TTBK2: variants seen among roughly 807,000 people sequenced by gnomAD.
The protein encoded by TTBK2 is tau tubulin kinase 2.
A neutral mutation model predicts 110.8 loss-of-function variants in TTBK2; 28 were observed. The observed-to-expected ratio is 0.25, with a 90% CI of 0.19 to 0.35. The LOEUF is 0.35. Among genes scored for constraint, TTBK2 ranks in the 10% least tolerant of loss-of-function variants. TTBK2 has a pLI of 1.00. For missense variants in TTBK2, 1,369 were observed against 1,500.3 expected (o/e 0.91, Z 1.45); for synonymous variants, 532 against 527.3 (o/e 1.01, Z -0.12).
At chr15:42,816,169 T>G (rs951917168) in intron 7 of TTBK2, among the ~76,000 whole-genome samples, 9 of 137,232 alleles carry the variant, frequency 6.6e-5, no homozygotes, top group African/African-American at 2.2e-4. Context: ...CAGGCTGGAG[T>G]GCAGTGGTGC....
intron 3 of TTBK2, among the ~76,000 whole-genome samples, chr15:42,847,699 C>T (rs946722168): frequency 6.6e-6 from 1 of 152,244 alleles, no homozygotes; most frequent in Non-Finnish European, 1.5e-5. Flanking sequence ...GCCTTTGCAA[C>T]TTTGTAGATT....
At chr15:42,812,853 A>G (rs1406802597) in intron 7 of TTBK2, among the ~76,000 whole-genome samples, 1 of 152,124 alleles carries the variant, frequency 6.6e-6, no homozygotes, top group Non-Finnish European at 1.5e-5. Flanking sequence ...TAAAAACTCA[A>G]TGGGCAGGCT....
intron 3 of TTBK2, among the ~76,000 whole-genome samples, chr15:42,841,392 G>A (rs1360625269): frequency 6.6e-6 from 1 of 151,856 alleles, no homozygotes; most frequent in Non-Finnish European, 1.5e-5. Flanking sequence ...GTATTTTTTT[G>A]TAGAGATGGG....
chr15:42,827,366 CA>C (rs1892577492), intron 6 of TTBK2, among the ~76,000 whole-genome samples: 1 of 151,826 alleles, frequency 6.6e-6, no homozygotes, highest in Admixed American at 6.6e-5. Flanking sequence ...CAGTTTCCAA[CA>C]AAAAATCATG....
intron 2 of TTBK2, among the ~76,000 whole-genome samples, chr15:42,877,779 T>C (rs184179276): frequency 1.3e-5 from 2 of 152,256 alleles, no homozygotes; most frequent in East Asian, 3.9e-4. Context: ...GAAATGATTA[T>C]TTTTAAGGTA....
At chr15:42,808,438 C>A (rs1891570564) in intron 9 of TTBK2, among the ~76,000 whole-genome samples, 1 of 152,110 alleles carries the variant, frequency 6.6e-6, no homozygotes, top group African/African-American at 2.4e-5. Flanking sequence ...TGCTATTTGA[C>A]CTTTGATGTA....
chr15:42,858,342 AAAATTATATGACGTCTAT>A (rs1256292889), intron 3 of TTBK2, among the ~76,000 whole-genome samples: 2 of 152,222 alleles, frequency 1.3e-5, no homozygotes, highest in Non-Finnish European at 2.9e-5. Flanking sequence ...ACATACTCAA[AAAATTATATGACGTCTAT>A]AATTTATTTT....
intron 9 of TTBK2, among the ~76,000 whole-genome samples, chr15:42,806,129 G>T (rs192302811): frequency 1.0e-3 from 156 of 152,258 alleles, no homozygotes; most frequent in African/African-American, 3.7e-3. Context: ...GCTGGGCATG[G>T]TGGCATGTGC....
At chr15:42,801,014 T>A in intron 9 of TTBK2, 2 of 764,542 alleles carry the variant, frequency 2.6e-6, no homozygotes, top group Non-Finnish European at 4.8e-6. Context: ...CATCACGGGT[T>A]TCGATCTTCT....
At position 42,752,225 on chromosome 15, in the gene TTBK2, T is replaced by C. The variant is rs201662235; in HGVS notation, c.3021A>G (p.Leu1007=). ...SASDKLLEEK[L]ATVPAPFCEE... ...CACAAAAGGGAGCAGGAACAGTAGCTAGTTTCTCCTCTAGCAATTTATCAG... is the reference window on the plus strand; with the variant it reads ...CACAAAAGGGAGCAGGAACAGTAGCCAGTTTCTCCTCTAGCAATTTATCAG... The change falls in exon 14 of 15, where the codon CTA becomes CTG. Residue 1007 remains leucine, a synonymous_variant. Coordinates refer to ENST00000267890, the MANE Select transcript of TTBK2 (RefSeq NM_173500.4). 531 of 1,613,950 alleles carry C rather than the reference T, an allele frequency of 3.3e-4. 2 individuals are homozygous for C. Among genetic ancestry groups the C allele is most frequent in the Admixed American group, 1.2e-4 (7 of 59,976 alleles).
At chr15:42,916,014 AAAAAG>A (rs1266237762) in intron 1 of TTBK2, among the ~76,000 whole-genome samples, 17 of 152,206 alleles carry the variant, frequency 1.1e-4, no homozygotes, top group Non-Finnish European at 7.3e-5. Context: ...AGAAAAAAGA[AAAAAG>A]AAAAGAGAGA....
intron 13 of TTBK2, among the ~76,000 whole-genome samples, chr15:42,762,698 AC>A (rs1453986879): frequency 6.6e-6 from 1 of 152,176 alleles, no homozygotes; most frequent in Non-Finnish European, 1.5e-5. Flanking sequence ...AGCCTGGGTG[AC>A]AGAGTGAGAT....
At chr15:42,800,072 C>G (rs1436396560) in intron 9 of TTBK2, among the ~76,000 whole-genome samples, 1 of 151,908 alleles carries the variant, frequency 6.6e-6, no homozygotes, top group East Asian at 1.9e-4. Flanking sequence ...GCACTCCAGC[C>G]TGGGTGACAG....
intron 13 of TTBK2, among the ~76,000 whole-genome samples, chr15:42,766,820 C>G (rs769206888): frequency 2.6e-5 from 4 of 152,192 alleles, no homozygotes; most frequent in Non-Finnish European, 5.9e-5. Context: ...CTCAAATCAA[C>G]AGAATATACA....
intron 13 of TTBK2, among the ~76,000 whole-genome samples, chr15:42,762,661 G>A (rs2062046738): frequency 6.6e-6 from 1 of 152,144 alleles, no homozygotes; most frequent in South Asian, 2.1e-4. Context: ...TGGCTGCACT[G>A]AGCCAAGATC....
intron 1 of TTBK2, chr15:42,919,843 G>A: frequency 2.0e-6 from 2 of 985,076 alleles, no homozygotes; most frequent in Admixed American, 6.1e-5. Context: ...TTACTTCTCC[G>A]ATTTGACAGA....
In TTBK2 at chr15:42,752,198, C is replaced by T. The variant is rs758922700; in HGVS notation, c.3048G>A (p.Glu1016=). 4 of 1,614,142 alleles carry T rather than the reference C, an allele frequency of 2.5e-6. No homozygotes were observed. Among genetic ancestry groups the T allele is most frequent in the Non-Finnish European group, 3.4e-6 (4 of 1,180,000 alleles). The part of the protein sequence containing the change: ...KLATVPAPFC[E]EEVLTPFSRL... ...TTGAAAAGGGAGTGAGCACTTCCTCCTCACAAAAGGGAGCAGGAACAGTAG... is the reference window on the plus strand; with the variant it reads ...TTGAAAAGGGAGTGAGCACTTCCTCTTCACAAAAGGGAGCAGGAACAGTAG... Residue 1016 remains glutamate, a synonymous_variant, in exon 14 of 15, where the codon GAG becomes GAA. Coordinates refer to ENST00000267890, the MANE Select transcript of TTBK2 (RefSeq NM_173500.4).
Position 42,775,602 on chromosome 15 carries a change from A to G in TTBK2, c.1531T>C (p.Tyr511His). Reference sequence around the variant, plus strand: ...GCAGGCTTGGAGGCATCTGGAAGATATTCTTCATCATAGTGCCAGATGTGG... The same window carrying G: ...GCAGGCTTGGAGGCATCTGGAAGATGTTCTTCATCATAGTGCCAGATGTGG... ...TDHIWHYDEE[Y>H]LPDASKPASA... Residue 511 changes from tyrosine to histidine, a missense_variant, in exon 13 of 15, where the codon TAT becomes CAT. Around this residue, in one of 4 missense-constraint regions of TTBK2, gnomAD observed 1,097 missense variants for 1,114.7 expected, o/e 0.98. Coordinates refer to ENST00000267890, the MANE Select transcript of TTBK2 (RefSeq NM_173500.4). The G allele has an allele frequency of 6.2e-7, 1 of 1,614,122 alleles. No homozygotes were observed. Among genetic ancestry groups the G allele is most frequent in the Non-Finnish European group, 8.5e-7 (1 of 1,180,002 alleles).
intron 3 of TTBK2, among the ~76,000 whole-genome samples, chr15:42,849,976 G>A (rs1893629427): frequency 6.6e-6 from 1 of 152,066 alleles, no homozygotes; most frequent in African/African-American, 2.4e-5. Flanking sequence ...CCACTCTGCA[G>A]AGTACTTCCC....
Sources: gnomAD v4.1 joint callset for allele counts (sites outside exome capture counted in the v4.1 genomes callset) on GRCh38, gnomAD v4.1.1 for gene constraint, gnomAD v4.1.1 regional missense constraint, MANE v1.5 for transcripts, NCBI Gene and HGNC (gene_info 2026-07-23, HGNC 2026-07-21) for gene names.